The following TMEM232 variants were observed in gnomAD, a reference collection of about 807,000 sequenced individuals.
TMEM232 encodes transmembrane protein 232.
A neutral mutation model predicts 78.8 loss-of-function variants in TMEM232; 80 were observed. That is an observed-to-expected ratio of 1.01 (90% CI 0.85 to 1.22). The LOEUF is 1.22. Among genes scored for constraint, TMEM232 ranks in the 50% most tolerant of loss-of-function variants. The pLI is 0.00. For missense variants in TMEM232, 881 were observed against 742.2 expected (o/e 1.19, Z -2.17); for synonymous variants, 297 against 254.3 (o/e 1.17, Z -1.60).
intron 8 of TMEM232, among the ~76,000 whole-genome samples, chr5:110,607,390 C>T (rs1781656017): frequency 6.6e-6 from 1 of 151,724 alleles, no homozygotes; most frequent in Admixed American, 6.6e-5. Context: ...ACATAAATGT[C>T]AATATTTAAC....
intron 2 of TMEM232, among the ~76,000 whole-genome samples, chr5:110,407,932 T>C (rs983499268): frequency 6.6e-6 from 1 of 152,096 alleles, no homozygotes; most frequent in African/African-American, 2.4e-5. Flanking sequence ...GATGGAATCT[T>C]GGAAAATACA....
chr5:110,542,372 T>C (rs1177890114), intron 11 of TMEM232, among the ~76,000 whole-genome samples: 1 of 152,156 alleles, frequency 6.6e-6, no homozygotes, highest in Non-Finnish European at 1.5e-5. Context: ...ATCCAGCCCA[T>C]GAAGTTCCCA....
At chr5:110,565,605 T>C (rs917993442) in intron 11 of TMEM232, among the ~76,000 whole-genome samples, 2 of 151,986 alleles carry the variant, frequency 1.3e-5, no homozygotes, top group Non-Finnish European at 2.9e-5. Flanking sequence ...AAAGAGATTG[T>C]GTGGAGTTGG....
rs373209846 is a variant in TMEM232, at chr5:110,532,418, C to A, written c.1456-3583G>T. Among the ~76,000 whole-genome samples, 12 of 150,834 alleles carry A rather than the reference C, an allele frequency of 8.0e-5. No homozygotes were observed. The South Asian group carries it at 8.5e-4, about 11-fold the overall frequency. On this transcript the variant is annotated intron_variant, in intron 11 of 13. Coordinates refer to ENST00000455884, the MANE Select transcript of TMEM232 (RefSeq NM_001039763.4). ...AAGTCCGTCCCCTTCTTAATCAATA[C>A]GGAGGCTACCCACTCCACATTACCT...
At chr5:110,461,202 G>T (rs577281221) in intron 12 of TMEM232, among the ~76,000 whole-genome samples, 1 of 151,882 alleles carries the variant, frequency 6.6e-6, no homozygotes, top group East Asian at 1.9e-4. Flanking sequence ...GCAAAAAAAA[G>T]AATCGTTATT....
chr5:110,456,710 C>T lies in TMEM232; in HGVS notation c.1704-31794G>A, dbSNP rs143855977. 2.9e-4 allele frequency among the ~76,000 whole-genome samples: 44 copies of T among 152,130 alleles called. No homozygotes were observed. In the East Asian group the frequency reaches 8.1e-3, roughly 28 times the overall value. On this transcript the variant is annotated intron_variant, in intron 12 of 13. Transcript: ENST00000455884. ...ATGGAACAGAAAAAGATTTGAGAAA[C>T]ATACCTGCACATACACAGTCAACTG...
chr5:110,645,590 T>C (rs1357437857), intron 2 of TMEM232, among the ~76,000 whole-genome samples: 2 of 151,364 alleles, frequency 1.3e-5, no homozygotes, highest in Non-Finnish European at 3.0e-5. Context: ...ATAAAGACCA[T>C]CATATCAAAA....
intron 5 of TMEM232, among the ~76,000 whole-genome samples, chr5:110,635,347 T>C (rs1052480620): frequency 1.3e-5 from 2 of 151,942 alleles, no homozygotes; most frequent in African/African-American, 4.8e-5. Context: ...AGGCCAGCGT[T>C]ACCCTAATAC....
Position 110,625,434 on chromosome 5 carries a change from C to T in TMEM232, c.602-1G>A. ...TATGATGCTCCAGAGAAAGAAAGTG[C>T]TATTGTAAGAAAAATCATCTGTGAG... On this transcript the variant is annotated splice_acceptor_variant, in intron 6 of 13. Transcript: ENST00000455884. LOFTEE classifies it high-confidence loss of function. The T allele has an allele frequency of 2.7e-6, 4 of 1,500,528 alleles. No individual in the cohort carries two copies. Among genetic ancestry groups the T allele is most frequent in the Non-Finnish European group, 3.6e-6 (4 of 1,122,766 alleles). 93.0% of individuals were successfully genotyped at this position (1,500,528 alleles called of 1,614,324 possible).
At chr5:110,606,433 C>T (rs758911679) in intron 8 of TMEM232, 146 bp from the exon 9 acceptor site, 15 of 940,850 alleles carry the variant, frequency 1.6e-5, no homozygotes, top group Admixed American at 3.1e-5. Context: ...ATTAGTATTG[C>T]TTCTCATTAT....
chr5:110,716,008 C>A (rs1389917471), intron 1 of TMEM232, among the ~76,000 whole-genome samples: 1 of 152,240 alleles, frequency 6.6e-6, no homozygotes, highest in African/African-American at 2.4e-5. Context: ...CTGGAACCCA[C>A]CACTCCCAGC....
At chr5:110,526,741 T>C (rs73222611) in intron 12 of TMEM232, among the ~76,000 whole-genome samples, 6,577 of 152,020 alleles carry the variant, frequency 0.043, 470 homozygotes, top group African/African-American at 0.15. Context: ...TTAAAAGACA[T>C]ATGTAAATGG....
At chr5:110,627,552 A>C (rs1003498066) in intron 6 of TMEM232, among the ~76,000 whole-genome samples, 4 of 152,092 alleles carry the variant, frequency 2.6e-5, no homozygotes, top group African/African-American at 9.7e-5. Flanking sequence ...AAAAAAAAGT[A>C]GAGTCAGATT....
chr5:110,523,481 T>C (rs1769864103), intron 12 of TMEM232, among the ~76,000 whole-genome samples: 1 of 152,108 alleles, frequency 6.6e-6, no homozygotes, highest in South Asian at 2.1e-4. Context: ...AGGTTGTTTA[T>C]TTGAGATTTT....
intron 12 of TMEM232, among the ~76,000 whole-genome samples, chr5:110,440,516 G>GA (rs774023705): frequency 6.6e-6 from 1 of 152,014 alleles, no homozygotes; most frequent in Non-Finnish European, 1.5e-5. Flanking sequence ...AAAGATATTT[G>GA]AAAATGTCTT....
At chr5:110,510,558 T>C (rs779999210) in intron 12 of TMEM232, among the ~76,000 whole-genome samples, 2 of 152,038 alleles carry the variant, frequency 1.3e-5, no homozygotes, top group African/African-American at 4.8e-5. Context: ...TCTCCCTAAC[T>C]AACAAAGCCA....
chr5:110,669,267 A>T (rs1357019050), intron 1 of TMEM232, among the ~76,000 whole-genome samples: 3 of 152,228 alleles, frequency 2.0e-5, no homozygotes, highest in Non-Finnish European at 4.4e-5. Flanking sequence ...AGAAGAATCA[A>T]ATAGATGCAA....
chr5:110,707,520 C>A (rs568322640), intron 1 of TMEM232, among the ~76,000 whole-genome samples: 257 of 152,342 alleles, frequency 1.7e-3, no homozygotes, highest in African/African-American at 5.7e-3. Flanking sequence ...AGTTTCTTGG[C>A]AAGCCTTGGC....
At chr5:110,508,969 T>C (rs1767333927) in intron 12 of TMEM232, among the ~76,000 whole-genome samples, 1 of 141,526 alleles carries the variant, frequency 7.1e-6, no homozygotes, top group East Asian at 2.0e-4. Flanking sequence ...TATATATGTA[T>C]ATATATAAAA....
Sources: gnomAD v4.1 joint callset for allele counts (sites outside exome capture counted in the v4.1 genomes callset) on GRCh38, gnomAD v4.1.1 for gene constraint, MANE v1.5 for transcripts, NCBI Gene and HGNC (gene_info 2026-07-23, HGNC 2026-07-21) for gene names.